Variants in FOXP1 observed in about 807,000 individuals in gnomAD.
FOXP1 encodes the protein forkhead box protein P1.
FOXP1 carries 15 observed loss-of-function variants against 98.2 expected under a neutral mutation model. That is an observed-to-expected ratio of 0.15 (90% CI 0.10 to 0.24). The LOEUF (loss-of-function observed/expected upper bound fraction) is 0.24, where lower values mean the gene tolerates loss of function less well. Ranked by LOEUF, FOXP1 falls within the 10% of genes least tolerant of loss-of-function variation. The probability of loss-of-function intolerance (pLI) is 1.00; values close to 1 mark genes in which losing one functional copy is unlikely to be tolerated. For synonymous variants in FOXP1, 371 were observed against 314.5 expected (o/e 1.18, Z -1.90); for missense variants, 633 against 848.5 (o/e 0.75, Z 3.15).
intron 4 of FOXP1, among the ~76,000 whole-genome samples, chr3:71,336,742 G>A (rs1182599625): frequency 3.3e-5 from 5 of 152,198 alleles, no homozygotes; most frequent in African/African-American, 9.7e-5. Context: ...ATTAATGACC[G>A]TCAATATCAC....
At chr3:71,007,386 G>A (rs2042940652) in intron 12 of FOXP1, among the ~76,000 whole-genome samples, 1 of 152,116 alleles carries the variant, frequency 6.6e-6, no homozygotes. Flanking sequence ...TAATTTCACT[G>A]CAGAACATTC....
At chr3:71,033,606 A>C (rs1338524105) in intron 11 of FOXP1, among the ~76,000 whole-genome samples, 4 of 100,526 alleles carry the variant, frequency 4.0e-5, no homozygotes, top group Non-Finnish European at 6.4e-5. Flanking sequence ...AACAGTCAAA[A>C]AAAAAAAAAA....
rs138465768 is a variant in FOXP1 at position 70,977,988 on chromosome 3, C to T, written c.1188G>A (p.Ser396=). Residue 396 remains serine (S), a synonymous_variant, in exon 15 of 21, where the codon TCG becomes TCA. Coordinates refer to ENST00000649528, the MANE Select transcript of FOXP1 (RefSeq NM_001349338.3). ...GAGGTAAGCTCTGTGGAGAAGCCTCCGATGCGGACTTGGAGAGAGTGACAC... is the reference window on the plus strand; with the variant it reads ...GAGGTAAGCTCTGTGGAGAAGCCTCTGATGCGGACTTGGAGAGAGTGACAC... ...VSSVTLSKSA[S]EASPQSLPHT... is the part of the protein sequence containing the mutation. 17 of 1,613,874 alleles carry T rather than the reference C, an allele frequency of 1.1e-5. No homozygotes were observed. The highest frequency in any genetic ancestry group is 8.8e-5 in the South Asian group (8 of 91,070).
Position 71,582,373 on chromosome 3 carries a change from G to GCGCCGC in FOXP1, c.-446-682_-446-677dup, listed in dbSNP as rs1013523025. 1.2e-5 allele frequency: 12 copies of GCGCCGC among 978,044 alleles called. No homozygotes were observed. The African/African-American group carries it at 2.1e-4, about 17-fold the overall frequency. 60.6% of individuals were successfully genotyped at this position (978,044 alleles called of 1,614,324 possible). ...CAACTGGCAAACTCCTCGGCTCCCG[G>GCGCCGC]CGCCGCCGCCACCGCCGTGGTCCCC... is the stretch of plus-strand genomic sequence containing the variant. On this transcript the variant is annotated intron_variant, in intron 1 of 20. Transcript: ENST00000649528.
At chr3:71,273,384 A>G (rs2070577870) in intron 5 of FOXP1, among the ~76,000 whole-genome samples, 1 of 152,192 alleles carries the variant, frequency 6.6e-6, no homozygotes. Context: ...TCCCACCTCC[A>G]ATACATGCTC....
chr3:71,282,213 A>T (rs1653969), intron 5 of FOXP1, among the ~76,000 whole-genome samples: 71,580 of 151,642 alleles, frequency 0.47, 17,578 homozygotes, highest in African/African-American at 0.62. Context: ...AAGAGAGAGA[A>T]TATTTCAAAT....
At chr3:71,569,658 TAGAG>T (rs1049287800) in intron 2 of FOXP1, among the ~76,000 whole-genome samples, 19 of 152,068 alleles carry the variant, frequency 1.2e-4, no homozygotes, top group African/African-American at 3.1e-4. Context: ...CACATACACA[TAGAG>T]AGAGAGAAAG....
chr3:71,085,111 A>G (rs576817704), intron 7 of FOXP1, among the ~76,000 whole-genome samples: 10 of 152,304 alleles, frequency 6.6e-5, no homozygotes, highest in African/African-American at 2.4e-4. Flanking sequence ...GCTCTGTAAC[A>G]GCTTGCAACT....
intron 4 of FOXP1, among the ~76,000 whole-genome samples, chr3:71,320,817 T>C (rs1034763600): frequency 1.3e-5 from 2 of 152,160 alleles, no homozygotes; most frequent in African/African-American, 4.8e-5. Context: ...CCTACTACAA[T>C]GGTTCAGCAA....
In FOXP1 at chr3:70,981,222, A is replaced by G. The variant is rs1399690351; in HGVS notation, c.1147-3193T>C. On this transcript the variant is annotated intron_variant, in intron 14 of 20. Transcript: ENST00000649528. ...AAAAAAAAAAAAAAAAAAAAAAGCA[A>G]CAGCGAAAAATAAAATCCCTCCAAG... Among the ~76,000 whole-genome samples, 28 of 149,500 alleles carry G rather than the reference A, an allele frequency of 1.9e-4. 1 individual carries two copies. In the East Asian group the frequency reaches 4.2e-3, roughly 22 times the overall value.
chr3:71,079,679 C>T (rs2054206284), intron 7 of FOXP1, among the ~76,000 whole-genome samples: 1 of 152,200 alleles, frequency 6.6e-6, no homozygotes, highest in Admixed American at 6.5e-5. Flanking sequence ...GTATCACCCA[C>T]TCCAGGTGTC....
chr3:71,282,188 G>A (rs376467854), intron 5 of FOXP1, among the ~76,000 whole-genome samples: 1 of 152,096 alleles, frequency 6.6e-6, no homozygotes, highest in Non-Finnish European at 1.5e-5. Context: ...CTGGTGGCAC[G>A]TAAGAAATGA....
chr3:71,412,772 C>T (rs575717833), intron 3 of FOXP1, among the ~76,000 whole-genome samples: 3 of 152,302 alleles, frequency 2.0e-5, no homozygotes, highest in Admixed American at 2.0e-4. Flanking sequence ...TCTACCTCCT[C>T]CCTGGGAACC....
At chr3:71,168,135 T>G (rs1028634263) in intron 6 of FOXP1, among the ~76,000 whole-genome samples, 1 of 152,162 alleles carries the variant, frequency 6.6e-6, no homozygotes, top group Non-Finnish European at 1.5e-5. Context: ...ACGTTAAAAT[T>G]GTTTATTATC....
intron 5 of FOXP1, among the ~76,000 whole-genome samples, chr3:71,237,530 G>A (rs1324676819): frequency 6.6e-6 from 1 of 152,140 alleles, no homozygotes; most frequent in East Asian, 1.9e-4. Flanking sequence ...GAGTTTCTGT[G>A]TGGTAAGGGA....
chr3:71,079,027 C>T (rs892739813), intron 7 of FOXP1, among the ~76,000 whole-genome samples: 1 of 152,164 alleles, frequency 6.6e-6, no homozygotes, highest in African/African-American at 2.4e-5. Context: ...TTTGGTTTTG[C>T]CCCTTCCTGC....
At chr3:71,290,203 T>C (rs12496736) in intron 5 of FOXP1, among the ~76,000 whole-genome samples, 34,119 of 152,132 alleles carry the variant, frequency 0.22, 4,023 homozygotes, top group Middle Eastern at 0.27. Context: ...ATTTTAGTGA[T>C]GGGAGCACCA....
At chr3:70,962,825 C>T (rs1187637276) in intron 20 of FOXP1, among the ~76,000 whole-genome samples, 1 of 152,148 alleles carries the variant, frequency 6.6e-6, no homozygotes, top group Non-Finnish European at 1.5e-5. Context: ...ATAGAACCAT[C>T]CATCTCCATC....
intron 3 of FOXP1, among the ~76,000 whole-genome samples, chr3:71,378,359 C>T (rs2079883623): frequency 6.9e-6 from 1 of 144,256 alleles, no homozygotes; most frequent in Non-Finnish European, 1.6e-5. Flanking sequence ...ACGGGTTGTG[C>T]TTTCCAGGGT....
Sources: gnomAD v4.1 joint callset for allele counts (sites outside exome capture counted in the v4.1 genomes callset) on GRCh38, gnomAD v4.1.1 for gene constraint, MANE v1.5 for transcripts, NCBI Gene and HGNC (gene_info 2026-07-23, HGNC 2026-07-21) for gene names.